Variants in PI4K2A observed in about 807,000 individuals in gnomAD.
PI4K2A encodes phosphatidylinositol 4-kinase type 2-alpha.
Under a neutral mutation model 55.0 loss-of-function variants are expected in PI4K2A, and 20 were observed. The ratio of observed to expected loss-of-function variants is 0.36; its 90% CI spans 0.26 to 0.53. PI4K2A has a LOEUF of 0.53. Ranked by LOEUF, PI4K2A falls within the 20% of genes least tolerant of loss-of-function variation. PI4K2A has a pLI of 0.91. For missense variants in PI4K2A, 463 were observed against 637.1 expected, an observed-to-expected ratio of 0.73 and a Z score of 2.94; for synonymous variants, 235 against 258.5, an observed-to-expected ratio of 0.91 and a Z score of 0.87.
At chr10:97,642,859 CT>C (rs2041481589) in intron 1 of PI4K2A, among the ~76,000 whole-genome samples, 4 of 23,824 alleles carry the variant, frequency 1.7e-4, no homozygotes, top group East Asian at 1.2e-3. Flanking sequence ...TCCTTTCTTT[CT>C]TTCTTTTTCT....
intron 2 of PI4K2A, among the ~76,000 whole-genome samples, chr10:97,651,572 G>A (rs2135754730): frequency 6.6e-6 from 1 of 152,254 alleles, no homozygotes; most frequent in Non-Finnish European, 1.5e-5. Flanking sequence ...GACAGGCTGA[G>A]GGTTAGAACA....
rs1458657855 is a variant in PI4K2A at position 97,666,431 on chromosome 10, T to G, written c.1085-7T>G. ...CCAGCTTTGCCTTTGACTTTTCCTC[T>G]TTTCAGATCCTTTTTACTGGGCCTG... is the stretch of plus-strand genomic sequence containing the variant. On this transcript the variant is annotated splice_polypyrimidine_tract_variant and splice_region_variant and intron_variant, in intron 6 of 8. Coordinates refer to ENST00000370631, the Ensembl canonical transcript of PI4K2A. 2 of 1,611,082 alleles carry G rather than the reference T, an allele frequency of 1.2e-6. No individual in the cohort carries two copies. The highest frequency in any genetic ancestry group is 1.7e-5 in the Admixed American group (1 of 59,150).
At chr10:97,659,776 C>T (rs559053337) in intron 4 of PI4K2A, among the ~76,000 whole-genome samples, 1 of 152,098 alleles carries the variant, frequency 6.6e-6, no homozygotes, top group East Asian at 1.9e-4. Context: ...AAATTAACCA[C>T]AATTTACTGT....
At chr10:97,659,253 C>T (rs974511652) in intron 4 of PI4K2A, among the ~76,000 whole-genome samples, 2 of 151,474 alleles carry the variant, frequency 1.3e-5, no homozygotes, top group African/African-American at 2.4e-5. Flanking sequence ...AGACTGGTCT[C>T]GAATTCCTGG....
In PI4K2A at chr10:97,641,318, G is replaced by T. The variant is rs573639493; in HGVS notation, c.435+141G>T. 6.3e-6 allele frequency: 4 copies of T among 630,556 alleles called. No homozygotes were observed. The East Asian group carries it at 1.3e-4, about 20-fold the overall frequency. The allele number at this position is 630,556 out of a possible 1,614,324, so 39.1% of individuals were successfully genotyped here. A position where few individuals can be genotyped will look rare whatever the true frequency, so the allele number is the denominator to read the frequency against. On this transcript the variant is annotated intron_variant, in intron 1 of 8. Coordinates refer to ENST00000370631, the Ensembl canonical transcript of PI4K2A. The stretch of plus-strand genomic sequence containing the variant: ...GGCAGGATTTAGGGATGCCACTGAG[G>T]ACTGGAGCTGGGGACGCTCTGCGGA...
At chr10:97,672,680 A>AG in intron 8 of PI4K2A, among the ~76,000 whole-genome samples, 1 of 144,892 alleles carries the variant, frequency 6.9e-6, no homozygotes, top group Admixed American at 6.9e-5. Flanking sequence ...ATGCATATCC[A>AG]TTAGTGTTTC....
At chr10:97,653,082 G>C (rs781713929) in intron 2 of PI4K2A, among the ~76,000 whole-genome samples, 2 of 152,124 alleles carry the variant, frequency 1.3e-5, no homozygotes, top group Non-Finnish European at 2.9e-5. Context: ...GATAATTAAT[G>C]TTCTTAAGTC....
chr10:97,656,359 A>G lies in PI4K2A; in HGVS notation c.711A>G (p.Ala237=), dbSNP rs2135756494. The G allele has an allele frequency of 1.2e-6, 2 of 1,614,090 alleles. No homozygotes were observed. Among genetic ancestry groups the G allele is most frequent in the Non-Finnish European group, 1.7e-6 (2 of 1,179,924 alleles). The change falls in exon 3 of 9, where the codon GCA becomes GCG. Residue 237 remains alanine, a synonymous_variant. Transcript: ENST00000370631. The surrounding 1 kb of genome is among the most constrained non-coding windows in gnomAD (Gnocchi z 4.5). ...TGAAGTCCAGGGGCAAGCGGCTTGC[A>G]CTAGAGAAAGTGCCAAAAGTTGGAC...
chr10:97,641,203 CCGCGGGCTGAGGG>C (rs1248741261), intron 1 of PI4K2A, 26 bp downstream of exon 1: 1 of 1,568,554 alleles, frequency 6.4e-7, no homozygotes, highest in Admixed American at 1.9e-5. Flanking sequence ...GGGACCGCCG[CCGCGGGCTGAGGG>C]CCGGCGGCGC....
At chr10:97,649,686 T>C (rs2041521828) in intron 1 of PI4K2A, among the ~76,000 whole-genome samples, 1 of 132,242 alleles carries the variant, frequency 7.6e-6, no homozygotes, top group Non-Finnish European at 1.6e-5. Context: ...TGCAGTGGCG[T>C]GATCTCAGCT....
chr10:97,645,721 T>TTA (rs2041501964), intron 1 of PI4K2A, among the ~76,000 whole-genome samples: 1 of 151,382 alleles, frequency 6.6e-6, no homozygotes, highest in African/African-American at 2.4e-5. Flanking sequence ...TTATATTTTA[T>TTA]TATATATATA....
intron 7 of PI4K2A, 110 bp downstream of exon 7, chr10:97,666,681 C>A: frequency 1.1e-6 from 1 of 917,142 alleles, no homozygotes. Context: ...ACCTTTCTGA[C>A]TTGAGTTAGC....
chr10:97,649,449 T>C (rs1446684307), intron 1 of PI4K2A, among the ~76,000 whole-genome samples: 1 of 152,082 alleles, frequency 6.6e-6, no homozygotes, highest in Admixed American at 6.6e-5. Context: ...GCATCTCATG[T>C]CCTGGTTTCT....
chr10:97,670,405 G>A (rs1341336053), intron 8 of PI4K2A, among the ~76,000 whole-genome samples: 3 of 152,006 alleles, frequency 2.0e-5, no homozygotes, highest in Non-Finnish European at 4.4e-5. Context: ...TTCTTCAGTT[G>A]TTATATTTAA....
chr10:97,675,168 C>T lies in PI4K2A; in HGVS notation c.*1426C>T, dbSNP rs147863242. 7 of 152,784 alleles carry T rather than the reference C, an allele frequency of 4.6e-5. No individual in the cohort carries two copies. The East Asian group carries it at 1.3e-3, about 29-fold the overall frequency. 9.5% of individuals were successfully genotyped at this position (152,784 alleles called of 1,614,324 possible). ...CACCTTGCGATTGGTCAGTCAACCT[C>T]AGAAAGTAACTATCTTGAAGGTTTG... On this transcript the variant is annotated 3_prime_UTR_variant, in exon 9 of 9. Transcript: ENST00000370631.
At chr10:97,642,662 T>TA (rs2041476128) in intron 1 of PI4K2A, among the ~76,000 whole-genome samples, 1 of 151,966 alleles carries the variant, frequency 6.6e-6, no homozygotes, top group Non-Finnish European at 1.5e-5. Flanking sequence ...GCGCTGGGAT[T>TA]ACAGGCGTGC....
chr10:97,670,272 T>C (rs1194788056), intron 8 of PI4K2A, among the ~76,000 whole-genome samples: 1 of 152,234 alleles, frequency 6.6e-6, no homozygotes, highest in Non-Finnish European at 1.5e-5. Flanking sequence ...ATTTAAAAAA[T>C]AATTTTTCTT....
At chr10:97,653,447 C>T (rs143719432) in intron 2 of PI4K2A, among the ~76,000 whole-genome samples, 21 of 152,290 alleles carry the variant, frequency 1.4e-4, no homozygotes, top group African/African-American at 4.6e-4. Flanking sequence ...TGAGTGAGTG[C>T]CAGGCACAAC....
At chr10:97,652,409 C>T (rs919000292) in intron 2 of PI4K2A, among the ~76,000 whole-genome samples, 2 of 152,122 alleles carry the variant, frequency 1.3e-5, no homozygotes, top group African/African-American at 4.8e-5. Context: ...AGTCCTCCCA[C>T]CTCAGCCTCT....
Sources: allele counts gnomAD v4.1 joint callset (sites outside exome capture counted in the v4.1 genomes callset), GRCh38; gene constraint gnomAD v4.1.1; non-coding constraint Gnocchi (gnomAD v3.1); transcripts MANE v1.5; gene names NCBI Gene and HGNC (gene_info 2026-07-23, HGNC 2026-07-21).